The following CDH20 variants were observed in gnomAD, a reference collection of about 807,000 sequenced individuals.
The protein encoded by CDH20 is cadherin 20, also known as cadherin-20.
A neutral mutation model predicts 74.2 loss-of-function variants in CDH20; 29 were observed. The ratio of observed to expected loss-of-function variants is 0.39; its 90% confidence interval spans 0.29 to 0.53. The LOEUF is 0.53. CDH20 is among the 20% of genes least tolerant of loss of function. The pLI is 0.69. For synonymous variants in CDH20, 469 were observed against 405.4 expected (o/e 1.16, Z -1.88); for missense variants, 988 against 1,048.3 (o/e 0.94, Z 0.79).
chr18:61,473,266 C>T (rs981535766), intron 1 of CDH20, among the ~76,000 whole-genome samples: 2 of 152,134 alleles, frequency 1.3e-5, no homozygotes, highest in African/African-American at 2.4e-5. Context: ...GATTGGAATC[C>T]GTCTGATGTA....
Position 61,555,314 on chromosome 18 carries a change from G to C in CDH20, c.*619G>C, listed in dbSNP as rs191987805. ...GAGGGTGGGTGAAGGAAGAGACATT[G>C]ACTTTATGCTCAAGTTTAGTGGCTG... On this transcript the variant is annotated 3_prime_UTR_variant, in exon 12 of 12. Coordinates refer to ENST00000262717, the MANE Select transcript of CDH20 (RefSeq NM_031891.4). 1.0e-3 allele frequency: 1,028 copies of C among 985,436 alleles called. 9 individuals carry two copies. In the African/African-American group the frequency reaches 0.014, roughly 13 times the overall value. 61.0% of individuals were successfully genotyped at this position (985,436 alleles called of 1,614,324 possible). A position where few individuals can be genotyped will look rare whatever the true frequency, so the allele number is the denominator to read the frequency against.
intron 1 of CDH20, among the ~76,000 whole-genome samples, chr18:61,451,140 TA>T (rs1442736422): frequency 6.6e-6 from 1 of 151,922 alleles, no homozygotes; most frequent in Non-Finnish European, 1.5e-5. Context: ...TTTTTTTTTT[TA>T]CTTTATGATT....
chr18:61,433,129 G>A (rs985814372), intron 1 of CDH20, among the ~76,000 whole-genome samples: 2 of 151,844 alleles, frequency 1.3e-5, no homozygotes, highest in Middle Eastern at 3.2e-3. Flanking sequence ...TGTAAAATGG[G>A]GATAAATGGT....
intron 9 of CDH20, among the ~76,000 whole-genome samples, chr18:61,544,589 T>A (rs139941398): frequency 6.6e-6 from 1 of 152,266 alleles, no homozygotes; most frequent in African/African-American, 2.4e-5. Flanking sequence ...CAGATTCTTC[T>A]CCAACTGTCC....
chr18:61,505,256 C>T (rs557395655), intron 5 of CDH20, among the ~76,000 whole-genome samples: 151 of 152,112 alleles, frequency 9.9e-4, no homozygotes, highest in African/African-American at 3.5e-3. Context: ...GTCATGTTAC[C>T]CCAAACATGG....
chr18:61,488,092 A>ATATATATATATATG (rs1042246451), intron 1 of CDH20, among the ~76,000 whole-genome samples: 2 of 151,282 alleles, frequency 1.3e-5, no homozygotes, highest in South Asian at 4.2e-4. Context: ...ATATATATAT[A>ATATATATATATATG]TATGTACGTA....
intron 6 of CDH20, among the ~76,000 whole-genome samples, chr18:61,520,636 C>T (rs948833753): frequency 2.0e-5 from 3 of 150,974 alleles, no homozygotes; most frequent in Non-Finnish European, 4.4e-5. Flanking sequence ...ACAGAATATA[C>T]ATTCTTCTCA....
intron 1 of CDH20, among the ~76,000 whole-genome samples, chr18:61,343,459 C>T (rs1167023986): frequency 6.6e-6 from 1 of 152,096 alleles, no homozygotes; most frequent in East Asian, 1.9e-4. Flanking sequence ...GTGCCTCTAC[C>T]CAAGACCGCT....
intron 1 of CDH20, among the ~76,000 whole-genome samples, chr18:61,375,419 T>C (rs74723991): frequency 6.6e-6 from 1 of 152,148 alleles, no homozygotes; most frequent in African/African-American, 2.4e-5. Flanking sequence ...CTCTCTTGGC[T>C]TATACAGACG....
chr18:61,517,689 G>GTTTT (rs375060168), intron 6 of CDH20, among the ~76,000 whole-genome samples: 78 of 5,090 alleles, frequency 0.015, no homozygotes, highest in African/African-American at 0.038. Flanking sequence ...ACTAGCTGCA[G>GTTTT]TTTTTTTTGT....
At chr18:61,515,182 G>C (rs568140445) in intron 6 of CDH20, among the ~76,000 whole-genome samples, 4 of 152,144 alleles carry the variant, frequency 2.6e-5, no homozygotes, top group Non-Finnish European at 5.9e-5. Context: ...TCGGAGCCAG[G>C]TGCGGGATAT....
At chr18:61,410,952 G>A (rs569658503) in intron 1 of CDH20, among the ~76,000 whole-genome samples, 47 of 152,304 alleles carry the variant, frequency 3.1e-4, no homozygotes, top group African/African-American at 1.1e-3. Flanking sequence ...TGTAATCCCA[G>A]CACTTTGGGA....
intron 1 of CDH20, among the ~76,000 whole-genome samples, chr18:61,406,627 G>A (rs1912339070): frequency 6.6e-6 from 1 of 152,226 alleles, no homozygotes; most frequent in Admixed American, 6.5e-5. Flanking sequence ...TCCCTGGAAG[G>A]GGTGGCTTCC....
chr18:61,467,299 C>A (rs937732363), intron 1 of CDH20, among the ~76,000 whole-genome samples: 1 of 152,098 alleles, frequency 6.6e-6, no homozygotes. Flanking sequence ...GCCTAATTTG[C>A]CTTCTTCTCC....
chr18:61,336,295 T>C (rs981958359), intron 1 of CDH20, among the ~76,000 whole-genome samples: 6 of 152,208 alleles, frequency 3.9e-5, no homozygotes, highest in Non-Finnish European at 5.9e-5. Flanking sequence ...CCCTCCTCCA[T>C]TGGGTAAAAG....
At chr18:61,412,195 A>T (rs1472483079) in intron 1 of CDH20, among the ~76,000 whole-genome samples, 1 of 152,142 alleles carries the variant, frequency 6.6e-6, no homozygotes, top group Non-Finnish European at 1.5e-5. Flanking sequence ...AAAAATATAT[A>T]CATAATTCAA....
chr18:61,443,873 G>A (rs74970390), intron 1 of CDH20, among the ~76,000 whole-genome samples: 1 of 152,076 alleles, frequency 6.6e-6, no homozygotes, highest in East Asian at 1.9e-4. Flanking sequence ...AAGGGAAAAG[G>A]AGAGAGTACA....
chr18:61,554,614 C>A lies in CDH20; in HGVS notation c.2325C>A (p.Asp775Glu), dbSNP rs746418783. The A allele has an allele frequency of 1.2e-6, 2 of 1,607,564 alleles. No individual in the cohort carries two copies. Among genetic ancestry groups the A allele is most frequent in the East Asian group, 4.5e-5 (2 of 44,782 alleles). The change falls in exon 12 of 12, where the codon GAC becomes GAA. Residue 775 changes from aspartate to glutamate, a missense_variant. Coordinates refer to ENST00000262717, the MANE Select transcript of CDH20 (RefSeq NM_031891.4). ...CGTCGGACTCGGAACAGAGCTTCGA[C>A]TTCCTGACGGACTGGGGGCCCCGCT... ...SATSDSEQSFDFLTDWGPRFR... is the reference protein window; with the variant it reads ...SATSDSEQSFEFLTDWGPRFR...
At chr18:61,346,261 A>G (rs1258817319) in intron 1 of CDH20, among the ~76,000 whole-genome samples, 3 of 152,228 alleles carry the variant, frequency 2.0e-5, no homozygotes, top group African/African-American at 7.2e-5. Context: ...GCAGTCATTA[A>G]GTTAGAGGGA....
Sources: allele counts gnomAD v4.1 joint callset (sites outside exome capture counted in the v4.1 genomes callset), GRCh38; gene constraint gnomAD v4.1.1; transcripts MANE v1.5; gene names NCBI Gene and HGNC (gene_info 2026-07-23, HGNC 2026-07-21).